FLG: variants seen among roughly 807,000 people sequenced by gnomAD.
FLG encodes the protein epidermal filaggrin.
FLG carries 6 observed loss-of-function variants against 3.8 expected under a neutral mutation model. The ratio of observed to expected loss-of-function variants is 1.60; its 90% CI spans 0.87 to 3.15. The LOEUF (loss-of-function observed/expected upper bound fraction) is 3.15. FLG is among the 30% of genes most tolerant of loss of function. The probability of loss-of-function intolerance (pLI) is 0.00; values close to 1 mark genes in which losing one functional copy is unlikely to be tolerated. For synonymous variants in FLG, 2,551 were observed against 1,931.6 expected, an observed-to-expected ratio of 1.32 and a Z score of -8.41; for missense variants, 7,595 against 5,050.9, an observed-to-expected ratio of 1.50 and a Z score of -15.27.
In FLG at chr1:152,307,513, C is replaced by G; in HGVS notation, c.7373G>C (p.Gly2458Ala). Residue 2458 changes from glycine (G) to alanine (A), a missense_variant, in exon 3 of 3, where the codon GGT becomes GCT. By Grantham distance (60) the Gly-to-Ala change is moderately conservative. Coordinates refer to ENST00000368799, the MANE Select transcript of FLG (RefSeq NM_002016.2). ...CGGGTGTCCATGAATGGTGTCCTGA[C>G]CCTCTTGGGACGTTGAGTGCCTGGA... ...DSSRHSTSQE[G>A]QDTIHGHPGS... 4.3e-6 allele frequency: 7 copies of G among 1,613,342 alleles called. No individual in the cohort carries two copies. Among genetic ancestry groups the G allele is most frequent in the Non-Finnish European group, 5.1e-6 (6 of 1,179,780 alleles).
intron 1 of FLG, among the ~76,000 whole-genome samples, chr1:152,319,807 A>G (rs1345672219): frequency 1.3e-5 from 2 of 151,540 alleles, no homozygotes; most frequent in African/African-American, 4.8e-5. Flanking sequence ...CCTACTGTAA[A>G]GGAAATATTA....
At position 152,302,382 on chromosome 1, in the gene FLG, T is replaced by C; in HGVS notation, c.*318A>G. On this transcript the variant is annotated 3_prime_UTR_variant, in exon 3 of 3. Coordinates refer to ENST00000368799, the MANE Select transcript of FLG (RefSeq NM_002016.2). The stretch of plus-strand genomic sequence containing the variant: ...TCTGAAAAAGATTAATTTAGAAATT[T>C]GGGGAGTGTCTAAAACTTAAACTTT... The C allele has an allele frequency of 3.1e-6, 1 of 325,984 alleles. No individual in the cohort carries two copies. Among genetic ancestry groups the C allele is most frequent in the South Asian group, 3.7e-5 (1 of 26,752 alleles). The allele number at this position is 325,984 out of a possible 1,614,324, so 20.2% of individuals were successfully genotyped here.
Position 152,303,166 on chromosome 1 carries a change from C to T in FLG, c.11720G>A (p.Arg3907His), listed in dbSNP as rs554551056. ...DGSRHPGSSH[R>H]DTASHVQSSP... is the part of the protein sequence containing the mutation. ...AGACTGTACATGACTGGCTGTATCG[C>T]GGTGAGAGGATCCGGGGTGTCTGGA... The change falls in exon 3 of 3, where the codon CGC becomes CAC. Residue 3907 changes from arginine (R) to histidine (H), a missense_variant. Physicochemically the swap from Arg to His is conservative, Grantham distance 29. Coordinates refer to ENST00000368799, the MANE Select transcript of FLG (RefSeq NM_002016.2). 51 of 1,614,104 alleles carry T rather than the reference C, an allele frequency of 3.2e-5. No individual in the cohort carries two copies. The African/African-American group carries it at 3.5e-4, about 11-fold the overall frequency.
Position 152,315,306 on chromosome 1 carries a change from C to G in FLG, c.138+13G>C. ...ACAAATGCTCTATCTTTGGTCTTGT[C>G]AGAGACTCTTACCTTCAGGATTTGC... On this transcript the variant is annotated intron_variant, in intron 2 of 2. Coordinates refer to ENST00000368799, the MANE Select transcript of FLG (RefSeq NM_002016.2). 6.2e-7 allele frequency: 1 copy of G among 1,612,766 alleles called. No individual in the cohort carries two copies. The highest frequency in any genetic ancestry group is 8.5e-7 in the Non-Finnish European group (1 of 1,179,136).
rs145247460 is a variant in FLG at position 152,311,541 on chromosome 1, C to T, written c.3345G>A (p.Gly1115=). 97 of 1,613,792 alleles carry T rather than the reference C, an allele frequency of 6.0e-5. No homozygotes were observed. The African/African-American group carries it at 1.1e-3, about 19-fold the overall frequency. The change falls in exon 3 of 3, where the codon GGG becomes GGA. Residue 1115 remains glycine (G), a synonymous_variant. Transcript: ENST00000368799. ...GAGTGCTCACCTGGTAGATGAAAGA[C>T]CCTGAACGTCCAGACCTTCCCCCTG... ...DWSGGRSGRS[G]SFIYQVSTHE...
At position 152,309,236 on chromosome 1, in the gene FLG, G is replaced by C. The variant is rs142911187; in HGVS notation, c.5650C>G (p.Arg1884Gly). The C allele has an allele frequency of 3.1e-6, 5 of 1,613,472 alleles. No individual in the cohort carries two copies. The highest frequency in any genetic ancestry group is 2.7e-5 in the African/African-American group (2 of 74,738). The stretch of plus-strand genomic sequence containing the variant: ...GCCCGAGAGGAAGCTTCATGGTGAC[G>C]CGACCCTGAGTGCCTGGAGCCGTCT... ...SGDGSRHSGSRHHEASSRADS... is the reference protein window; with the variant it reads ...SGDGSRHSGSGHHEASSRADS... Residue 1884 changes from arginine (R) to glycine (G), a missense_variant, in exon 3 of 3, where the codon CGT becomes GGT. Coordinates refer to ENST00000368799, the MANE Select transcript of FLG (RefSeq NM_002016.2).
In FLG at chr1:152,308,123, C is replaced by T. The variant is rs1264009523; in HGVS notation, c.6763G>A (p.Asp2255Asn). Reference sequence around the variant, plus strand: ...GCAGACCCAGACCGCCTCTCAGAATCTTCTGAGTGTCCCTCACTGTCACTG... The same window carrying T: ...GCAGACCCAGACCGCCTCTCAGAATTTTCTGAGTGTCCCTCACTGTCACTG... ...QDSDSEGHSEDSERRSGSASR... is the reference protein window; with the variant it reads ...QDSDSEGHSENSERRSGSASR... The change falls in exon 3 of 3, where the codon GAT becomes AAT. Residue 2255 changes from aspartate to asparagine, a missense_variant. Asp to Asn is a conservative substitution (Grantham distance 23). Transcript: ENST00000368799. 1.9e-5 allele frequency: 30 copies of T among 1,613,928 alleles called. No individual in the cohort carries two copies. The highest frequency in any genetic ancestry group is 2.4e-5 in the Non-Finnish European group (28 of 1,180,022).
At position 152,305,992 on chromosome 1, in the gene FLG, G is replaced by C. The variant is rs770970441; in HGVS notation, c.8894C>G (p.Ser2965Ter). The C allele has an allele frequency of 2.6e-5, 41 of 1,576,456 alleles. No individual in the cohort carries two copies. Among genetic ancestry groups the C allele is most frequent in the Non-Finnish European group, 3.2e-5 (37 of 1,168,032 alleles). ...ACTTGATCTTGCCTGTTCATGGGAT[G>C]ATGCAGCCTGTCCACCAGAGGAAGT... ...TQTSSGGQAASSHEQARSSAG... is the reference protein window; with the variant it reads ...TQTSSGGQAA The change falls in exon 3 of 3, where the codon TCA (serine) becomes TGA (stop). Residue 2965 changes from serine to a stop codon, truncating the protein, a stop_gained. Transcript: ENST00000368799. LOFTEE classifies it low-confidence loss of function (END_TRUNC).
Position 152,310,469 on chromosome 1 carries a change from C to T in FLG, c.4417G>A (p.Ala1473Thr), listed in dbSNP as rs1393165608. The change falls in exon 3 of 3, where the codon GCA (alanine) becomes ACA (threonine). Residue 1473 changes from alanine to threonine, a missense_variant. By Grantham distance (58) the Ala-to-Thr change is moderately conservative (BLOSUM62 0). Coordinates refer to ENST00000368799, the MANE Select transcript of FLG (RefSeq NM_002016.2). Reference protein sequence around the residue: ...GGRQGSRHEQARNSSRHSASQ... With the variant: ...GGRQGSRHEQTRNSSRHSASQ... ...GCTGAGTGCCTAGAGCTGTTTCGTG[C>T]CTGCTCATGGCGGGATCCTTGTCTT... is the stretch of plus-strand genomic sequence containing the variant. 5 of 1,613,532 alleles carry T rather than the reference C, an allele frequency of 3.1e-6. No individual in the cohort carries two copies. The highest frequency in any genetic ancestry group is 4.2e-6 in the Non-Finnish European group (5 of 1,179,786).
At chr1:152,315,050 G>A (rs773533704) in intron 2 of FLG, 37 of 404,008 alleles carry the variant, frequency 9.2e-5, no homozygotes, top group Non-Finnish European at 1.4e-4. Flanking sequence ...TAATGTTGAT[G>A]TTTGGGAGAA....
In FLG at chr1:152,304,139, C is replaced by T. The variant is rs144652887; in HGVS notation, c.10747G>A (p.Glu3583Lys). The change falls in exon 3 of 3, where the codon GAA becomes AAA. Residue 3583 changes from glutamate (E) to lysine (K), a missense_variant. Transcript: ENST00000368799. ...DGSRHPTSHH[E>K]DRAGHGHSAE... Reference sequence around the variant, plus strand: ...GAGTGCCCGTGACCGGCTCTGTCTTCGTGATGGGACGTGGGGTGTCTGGAG... The same window carrying T: ...GAGTGCCCGTGACCGGCTCTGTCTTTGTGATGGGACGTGGGGTGTCTGGAG... The T allele has an allele frequency of 7.8e-5, 125 of 1,594,866 alleles. 4 individuals carry two copies. Among genetic ancestry groups the T allele is most frequent in the East Asian group, 2.3e-4 (10 of 42,854 alleles).
At position 152,312,738 on chromosome 1, in the gene FLG, T is replaced by G; in HGVS notation, c.2148A>C (p.Ser716=). Residue 716 remains serine (S), a synonymous_variant, in exon 3 of 3, where the codon TCA becomes TCC. Coordinates refer to ENST00000368799, the MANE Select transcript of FLG (RefSeq NM_002016.2). The part of the protein sequence containing the change: ...ERHGSRHQLQ[S]ADSSRHSGTG... ...TGCCTGAGTGTCTGGAGCTGTCTGC[T>G]GACTGGAGCTGGTGGCGGGATCCAT... The G allele has an allele frequency of 6.2e-7, 1 of 1,614,024 alleles. No homozygotes were observed. Among genetic ancestry groups the G allele is most frequent in the African/African-American group, 1.3e-5 (1 of 74,956 alleles).
rs1652224688 is a variant in FLG, at chr1:152,309,347, T to C, written c.5539A>G (p.Thr1847Ala). The C allele has an allele frequency of 6.2e-7, 1 of 1,613,820 alleles. No individual in the cohort carries two copies. Among genetic ancestry groups the C allele is most frequent in the African/African-American group, 1.3e-5 (1 of 74,912 alleles). ...GAGACATCAGACCTTTCCTGGGACG[T>C]GGTGTGGCTGTGATGAGACCCTGAG... The part of the protein sequence containing the change: ...GHSGSHHSHT[T>A]SQERSDVSRG... Residue 1847 changes from threonine (T) to alanine (A), a missense_variant, in exon 3 of 3, where the codon ACG becomes GCG. Thr to Ala is a moderately conservative substitution (Grantham distance 58, BLOSUM62 0). Transcript: ENST00000368799.
intron 1 of FLG, among the ~76,000 whole-genome samples, chr1:152,317,255 T>C (rs549651421): frequency 2.0e-5 from 3 of 151,992 alleles, no homozygotes; most frequent in Non-Finnish European, 4.4e-5. Context: ...CACCCCACCC[T>C]CAATCTCACA....
rs1652286853 is a variant in FLG at position 152,310,104 on chromosome 1, A to G, written c.4782T>C (p.Val1594=). Residue 1594 remains valine, a synonymous_variant, in exon 3 of 3, where the codon GTT becomes GTC. Coordinates refer to ENST00000368799, the MANE Select transcript of FLG (RefSeq NM_002016.2). ...SKTSRRQGSS[V]SQDRDSEGHS... ...GTCCCTCACTGTCCCTGTCCTGACT[A>G]ACACTGGATCCCTGGCGCCTGCTTG... The G allele has an allele frequency of 6.2e-7, 1 of 1,613,918 alleles. No individual in the cohort carries two copies. Among genetic ancestry groups the G allele is most frequent in the Non-Finnish European group, 8.5e-7 (1 of 1,179,964 alleles).
chr1:152,307,509 C>T lies in FLG; in HGVS notation c.7377G>A (p.Gln2459=). The T allele has an allele frequency of 6.2e-7, 1 of 1,613,356 alleles. No individual in the cohort carries two copies. The highest frequency in any genetic ancestry group is 8.5e-7 in the Non-Finnish European group (1 of 1,179,794). ...ACCCCGGGTGTCCATGAATGGTGTC[C>T]TGACCCTCTTGGGACGTTGAGTGCC... ...SSRHSTSQEG[Q]DTIHGHPGSS... Residue 2459 remains glutamine, a synonymous_variant, in exon 3 of 3, where the codon CAG becomes CAA. Coordinates refer to ENST00000368799, the MANE Select transcript of FLG (RefSeq NM_002016.2).
rs369885488 is a variant in FLG at position 152,308,833 on chromosome 1, C to T, written c.6053G>A (p.Arg2018Lys). The change falls in exon 3 of 3, where the codon AGA becomes AAA. Residue 2018 changes from arginine (R) to lysine (K), a missense_variant. By Grantham distance (26) the Arg-to-Lys change is conservative. Transcript: ENST00000368799. The stretch of plus-strand genomic sequence containing the variant: ...TTGTCCATGCCCAATGCCTGAGTGT[C>T]TGGAGCTGTCTGCTGACTGGAGCTG... ...HHQLQSADSSRHSGIGHGQAS... is the reference protein window; with the variant it reads ...HHQLQSADSSKHSGIGHGQAS... 5.0e-6 allele frequency: 8 copies of T among 1,614,210 alleles called. No homozygotes were observed. The highest frequency in any genetic ancestry group is 6.8e-6 in the Non-Finnish European group (8 of 1,180,038).
In FLG at chr1:152,303,555, C is replaced by T. The variant is rs147295587; in HGVS notation, c.11331G>A (p.Ser3777=). 56 of 1,614,000 alleles carry T rather than the reference C, an allele frequency of 3.5e-5. No individual in the cohort carries two copies. In the East Asian group the frequency reaches 7.8e-4, roughly 22 times the overall value. The change falls in exon 3 of 3, where the codon TCG becomes TCA. Residue 3777 remains serine (S), a synonymous_variant. Coordinates refer to ENST00000368799, the MANE Select transcript of FLG (RefSeq NM_002016.2). ...GGRQGSYHEQ[S]VDRSGHSGSH... ...ACCCTGAGTGTCCAGACCTATCTAC[C>T]GATTGCTCGTGGTAGGATCCCTGTC...
chr1:152,311,136 T>G lies in FLG; in HGVS notation c.3750A>C (p.Ser1250=), dbSNP rs774439797. 3 of 1,613,666 alleles carry G rather than the reference T, an allele frequency of 1.9e-6. No individual in the cohort carries two copies. The change falls in exon 3 of 3, where the codon TCA becomes TCC. Residue 1250 remains serine (S), a synonymous_variant. Transcript: ENST00000368799. ...CCGATGATTGTTCCTGTCCCACCTGTGAGTGTCTAGAGCTGTCAGCCCAAG... is the reference window on the plus strand; with the variant it reads ...CCGATGATTGTTCCTGTCCCACCTGGGAGTGTCTAGAGCTGTCAGCCCAAG... ...AASWADSSRH[S]QVGQEQSSGS...
Sources: allele counts gnomAD v4.1 joint callset (sites outside exome capture counted in the v4.1 genomes callset), GRCh38; gene constraint gnomAD v4.1.1; transcripts MANE v1.5; gene names NCBI Gene and HGNC (gene_info 2026-07-23, HGNC 2026-07-21).